GRIN2B: variants seen among roughly 807,000 people sequenced by gnomAD.
GRIN2B encodes glutamate ionotropic receptor NMDA type subunit 2B, also known as glutamate receptor ionotropic, NMDA 2B.
A neutral mutation model predicts 114.5 loss-of-function variants in GRIN2B; 5 were observed. The ratio of observed to expected loss-of-function variants is 0.04; its 90% CI spans 0.02 to 0.09. The LOEUF (loss-of-function observed/expected upper bound fraction) is 0.09. Among genes scored for constraint, GRIN2B ranks in the 10% least tolerant of loss-of-function variants. GRIN2B has a pLI of 1.00. For synonymous variants in GRIN2B, 787 were observed against 745.1 expected, an observed-to-expected ratio of 1.06 and a Z score of -0.92; for missense variants, 1,108 against 1,943.5, an observed-to-expected ratio of 0.57 and a Z score of 8.08.
chr12:13,756,516 T>C (rs1025983434), intron 3 of GRIN2B, among the ~76,000 whole-genome samples: 1 of 152,242 alleles, frequency 6.6e-6, no homozygotes, highest in Admixed American at 6.5e-5. Flanking sequence ...TTTCCTGTCA[T>C]GCTTCCAGCT....
intron 11 of GRIN2B, among the ~76,000 whole-genome samples, 167 bp from the exon 12 acceptor site, chr12:13,570,184 T>C (rs1435953563): frequency 5.3e-5 from 8 of 152,360 alleles, no homozygotes; most frequent in Admixed American, 3.3e-4. Flanking sequence ...AATCCCAGGC[T>C]GTTCTTTATG....
intron 10 of GRIN2B, among the ~76,000 whole-genome samples, chr12:13,602,388 A>G (rs1429430747): frequency 3.3e-5 from 5 of 152,308 alleles, no homozygotes; most frequent in African/African-American, 1.2e-4. Flanking sequence ...TTTTTAGCCC[A>G]GTATTCCATG....
chr12:13,879,534 T>A (rs79137301), intron 2 of GRIN2B, among the ~76,000 whole-genome samples: 25 of 149,060 alleles, frequency 1.7e-4, no homozygotes, highest in African/African-American at 4.7e-4. Flanking sequence ...AAAAAAAAAA[T>A]GAGAACTGTT....
At chr12:13,699,707 G>C in intron 4 of GRIN2B, among the ~76,000 whole-genome samples, 1 of 151,696 alleles carries the variant, frequency 6.6e-6, no homozygotes, top group East Asian at 1.9e-4. Flanking sequence ...TTCTGCTTCA[G>C]CCTCCCAAGT....
chr12:13,727,792 C>T (rs1863018172), intron 4 of GRIN2B, among the ~76,000 whole-genome samples: 1 of 152,112 alleles, frequency 6.6e-6, no homozygotes, highest in Non-Finnish European at 1.5e-5. Context: ...GAAATGCAAA[C>T]CATGTTCCTA....
At chr12:13,689,752 C>T (rs1426405098) in intron 4 of GRIN2B, among the ~76,000 whole-genome samples, 1 of 152,188 alleles carries the variant, frequency 6.6e-6, no homozygotes, top group Non-Finnish European at 1.5e-5. Context: ...CTGGTCCCTT[C>T]TACCTGTTTG....
intron 5 of GRIN2B, among the ~76,000 whole-genome samples, chr12:13,667,366 T>C (rs1340201179): frequency 1.3e-5 from 2 of 152,122 alleles, no homozygotes; most frequent in African/African-American, 4.8e-5. Context: ...TGTCCCCTGA[T>C]TGTTCCAGAA....
At chr12:13,708,465 T>C (rs1420589875) in intron 4 of GRIN2B, among the ~76,000 whole-genome samples, 1 of 152,114 alleles carries the variant, frequency 6.6e-6, no homozygotes, top group Non-Finnish European at 1.5e-5. Context: ...AGAGGTGGAC[T>C]ATTTCTGATT....
At chr12:13,858,148 T>C (rs1207109810) in intron 3 of GRIN2B, among the ~76,000 whole-genome samples, 1 of 152,204 alleles carries the variant, frequency 6.6e-6, no homozygotes, top group African/African-American at 2.4e-5. Flanking sequence ...AGATAAAATA[T>C]GTGCCTTCTA....
At chr12:13,614,884 A>C (rs1403969344) in intron 8 of GRIN2B, among the ~76,000 whole-genome samples, 1 of 152,182 alleles carries the variant, frequency 6.6e-6, no homozygotes, top group East Asian at 1.9e-4. Context: ...GGACCAGCCC[A>C]GTACTACTTT....
chr12:13,972,849 A>G (rs558262070), intron 2 of GRIN2B, among the ~76,000 whole-genome samples: 4 of 152,334 alleles, frequency 2.6e-5, no homozygotes, highest in African/African-American at 9.6e-5. Context: ...AATGCATTTA[A>G]GATTTTGGGG....
intron 10 of GRIN2B, among the ~76,000 whole-genome samples, chr12:13,582,487 G>A (rs1948866115): frequency 1.3e-5 from 2 of 152,120 alleles, no homozygotes; most frequent in Admixed American, 6.6e-5. Context: ...CACCTTAATT[G>A]TTTCTGCTTG....
chr12:13,669,819 GA>G (rs1445339935), intron 5 of GRIN2B, among the ~76,000 whole-genome samples: 1 of 152,086 alleles, frequency 6.6e-6, no homozygotes, highest in Non-Finnish European at 1.5e-5. Context: ...GGTAGTGATT[GA>G]CCTCTATTGT....
intron 2 of GRIN2B, 100 bp from the exon 3 acceptor site, chr12:13,866,326 C>G (rs1457979467): frequency 1.0e-6 from 1 of 992,572 alleles, no homozygotes; most frequent in African/African-American, 1.6e-5. Context: ...TATCTCCTTT[C>G]ATTGAGCACC....
At chr12:13,823,255 G>A (rs1267239966) in intron 3 of GRIN2B, among the ~76,000 whole-genome samples, 1 of 152,008 alleles carries the variant, frequency 6.6e-6, no homozygotes, top group African/African-American at 2.4e-5. Context: ...AAAGATGAAG[G>A]TAAAGAGAGT....
chr12:13,578,745 G>A (rs1468554002), intron 10 of GRIN2B, among the ~76,000 whole-genome samples: 1 of 152,188 alleles, frequency 6.6e-6, no homozygotes, highest in African/African-American at 2.4e-5. Context: ...GAAGTGCTAG[G>A]AAGAAATTGA....
At chr12:13,704,204 T>C (rs769350942) in intron 4 of GRIN2B, among the ~76,000 whole-genome samples, 1 of 152,116 alleles carries the variant, frequency 6.6e-6, no homozygotes, top group African/African-American at 2.4e-5. Flanking sequence ...GTGACATGGA[T>C]GCTCAAGGGT....
intron 4 of GRIN2B, among the ~76,000 whole-genome samples, chr12:13,698,293 T>C (rs1022376308): frequency 2.0e-5 from 3 of 152,250 alleles, no homozygotes; most frequent in Admixed American, 6.5e-5. Flanking sequence ...CCCTGCCTTG[T>C]TGAAACAATG....
At chr12:13,621,589 G>A (rs1178198639) in intron 5 of GRIN2B, among the ~76,000 whole-genome samples, 71 of 85,138 alleles carry the variant, frequency 8.3e-4, no homozygotes, top group East Asian at 1.5e-3. Context: ...TTTTTCAAGA[G>A]AAAAAAAAAA....
Sources: allele counts gnomAD v4.1 joint callset (sites outside exome capture counted in the v4.1 genomes callset), GRCh38; gene constraint gnomAD v4.1.1; transcripts MANE v1.5; gene names NCBI Gene and HGNC (gene_info 2026-07-23, HGNC 2026-07-21).